The following RAG1 variants were observed in gnomAD, a reference collection of about 807,000 sequenced individuals.
RAG1 encodes the protein V(D)J recombination-activating protein 1.
Under a neutral mutation model 62.7 loss-of-function variants are expected in RAG1, and 35 were observed. The ratio of observed to expected loss-of-function variants is 0.56; its 90% CI spans 0.43 to 0.74. RAG1 has a LOEUF of 0.74. Ranked by LOEUF, RAG1 falls within the 30% of genes least tolerant of loss-of-function variation. The pLI is 0.00. For missense variants in RAG1, 1,169 were observed against 1,278.6 expected, an observed-to-expected ratio of 0.91 and a Z score of 1.31; for synonymous variants, 461 against 470.3, an observed-to-expected ratio of 0.98 and a Z score of 0.26.
intron 1 of RAG1, chr11:36,519,995 T>TA (rs1860053962): frequency 1.3e-5 from 2 of 152,216 alleles, no homozygotes; most frequent in African/African-American, 4.8e-5. Context: ...ACTACCAATT[T>TA]AAAAATTTAA....
chr11:36,576,387 C>T lies in RAG1; in HGVS notation c.3083C>T (p.Pro1028Leu), dbSNP rs771708758. Residue 1028 changes from proline (P) to leucine (L), a missense_variant, in exon 2 of 2, where the codon CCA (proline) becomes CTA (leucine). This residue lies in a region of RAG1 where 800 missense variants were observed against 943.3 expected (regional missense o/e 0.85). Transcript: ENST00000299440. ...AACCCTCAGGCAAGCTTAGGGGACC[C>T]ATTAGGCATAGAGGACTCTCTGGAA... ...TMNPQASLGDPLGIEDSLESQ... is the reference protein window; with the variant it reads ...TMNPQASLGDLLGIEDSLESQ... The T allele has an allele frequency of 2.9e-5, 47 of 1,613,946 alleles. No homozygotes were observed. The highest frequency in any genetic ancestry group is 3.8e-5 in the Non-Finnish European group (45 of 1,179,970).
chr11:36,542,867 A>G (rs1356086199), intron 3 of RAG1, among the ~76,000 whole-genome samples: 1 of 152,228 alleles, frequency 6.6e-6, no homozygotes, highest in Non-Finnish European at 1.5e-5. Flanking sequence ...AAAAAATAGA[A>G]AAAAACCTTA....
intron 2 of RAG1, among the ~76,000 whole-genome samples, chr11:36,527,310 A>T (rs1435934433): frequency 6.6e-6 from 1 of 152,208 alleles, no homozygotes; most frequent in Non-Finnish European, 1.5e-5. Flanking sequence ...ATGGCTAGCC[A>T]GTTTTCCCAG....
At chr11:36,551,289 T>G (rs146954910) in intron 3 of RAG1, among the ~76,000 whole-genome samples, 1 of 152,270 alleles carries the variant, frequency 6.6e-6, no homozygotes, top group East Asian at 1.9e-4. Flanking sequence ...TCTTTCTGAT[T>G]ATAATTTTCT....
At chr11:36,563,403 C>T (rs1850618430), upstream of RAG1, 1 of 152,130 alleles carries the variant, frequency 6.6e-6, no homozygotes, top group Non-Finnish European at 1.5e-5. Flanking sequence ...GTTCCTGGAT[C>T]TCAGGACTTC....
chr11:36,576,278 A>C lies in RAG1; in HGVS notation c.2974A>C (p.Lys992Gln). Reference protein sequence around the residue: ...SKCYEMEDVLKHHWLYTSKYL... With the variant: ...SKCYEMEDVLQHHWLYTSKYL... ...ATGCTATGAGATGGAAGATGTCCTG[A>C]AACACCACTGGTTGTACACCTCCAA... Residue 992 changes from lysine to glutamine, a missense_variant, in exon 2 of 2, where the codon AAA becomes CAA. Physicochemically the swap from Lys to Gln is moderately conservative, Grantham distance 53 (BLOSUM62 1). Around this residue, in one of 2 missense-constraint regions of RAG1, gnomAD observed 800 missense variants for 943.3 expected, o/e 0.85. Transcript: ENST00000299440. 1 of 1,614,110 alleles carries C rather than the reference A, an allele frequency of 6.2e-7. No individual in the cohort carries two copies. The highest frequency in any genetic ancestry group is 8.5e-7 in the Non-Finnish European group (1 of 1,180,044).
chr11:36,524,923 A>T (rs1860136977), intron 2 of RAG1, among the ~76,000 whole-genome samples: 1 of 151,948 alleles, frequency 6.6e-6, no homozygotes, highest in Non-Finnish European at 1.5e-5. Flanking sequence ...TTCTAATTGG[A>T]TTGTTAGTCT....
At chr11:36,563,391 G>A (rs1029777026), upstream of RAG1, 16 of 152,098 alleles carry the variant, frequency 1.1e-4, no homozygotes, top group Admixed American at 3.9e-4. Context: ...TCAGACATCC[G>A]TGTTCCTGGA....
intron 2 of RAG1, among the ~76,000 whole-genome samples, chr11:36,527,564 C>T (rs553949222): frequency 2.0e-5 from 3 of 152,142 alleles, no homozygotes; most frequent in South Asian, 2.1e-4. Flanking sequence ...ATTGGCTATG[C>T]GGGCTCTTTT....
intron 1 of RAG1, among the ~76,000 whole-genome samples, chr11:36,518,548 T>C (rs331454): frequency 0.73 from 111,581 of 151,954 alleles, 41,144 homozygotes; most frequent in East Asian, 0.92. Context: ...AGGTGTGAGA[T>C]GGTATCTCAT....
At chr11:36,525,426 C>A in intron 2 of RAG1, among the ~76,000 whole-genome samples, 1 of 152,124 alleles carries the variant, frequency 6.6e-6, no homozygotes, top group East Asian at 1.9e-4. Context: ...CAATCTTAAA[C>A]AATTCTTGCC....
At chr11:36,572,242 C>T (rs371044190) in intron 1 of RAG1, among the ~76,000 whole-genome samples, 19 of 152,296 alleles carry the variant, frequency 1.2e-4, no homozygotes, top group African/African-American at 4.3e-4. Flanking sequence ...CAGCTGCTCT[C>T]TTTCCAATCA....
intron 1 of RAG1, among the ~76,000 whole-genome samples, chr11:36,517,944 C>T (rs1253637392): frequency 2.7e-5 from 4 of 150,672 alleles, no homozygotes; most frequent in South Asian, 2.1e-4. Flanking sequence ...CCCATTAACT[C>T]GTCATTTAGC....
chr11:36,531,140 A>G (rs1316298536), intron 2 of RAG1, among the ~76,000 whole-genome samples: 1 of 151,936 alleles, frequency 6.6e-6, no homozygotes, highest in Non-Finnish European at 1.5e-5. Context: ...TGCTATTAAT[A>G]TAGCTACTTA....
chr11:36,530,967 G>T (rs1860244198), intron 2 of RAG1, among the ~76,000 whole-genome samples: 1 of 151,692 alleles, frequency 6.6e-6, no homozygotes, highest in Non-Finnish European at 1.5e-5. Context: ...TTCAGTTTTT[G>T]TTTCACTTAT....
chr11:36,560,324 CT>C (rs1280837189), intron 3 of RAG1, among the ~76,000 whole-genome samples: 3 of 152,058 alleles, frequency 2.0e-5, no homozygotes, highest in Admixed American at 6.6e-5. Context: ...GGCAGTGCCC[CT>C]GGTCTTAGGG....
chr11:36,558,375 G>A (rs188652061), intron 3 of RAG1, among the ~76,000 whole-genome samples: 1 of 152,280 alleles, frequency 6.6e-6, no homozygotes, highest in East Asian at 1.9e-4. Flanking sequence ...GGCTGCTGGT[G>A]TTTCCACCTA....
At chr11:36,549,327 T>C (rs992323830) in intron 3 of RAG1, among the ~76,000 whole-genome samples, 4 of 152,072 alleles carry the variant, frequency 2.6e-5, no homozygotes, top group Non-Finnish European at 4.4e-5. Flanking sequence ...ATCATCAGAG[T>C]GAACAGGCAA....
chr11:36,557,755 C>T (rs1850524982), intron 3 of RAG1, among the ~76,000 whole-genome samples: 1 of 152,162 alleles, frequency 6.6e-6, no homozygotes, highest in African/African-American at 2.4e-5. Context: ...CAATAATGAA[C>T]CCTCTCACTT....
Sources: allele counts gnomAD v4.1 joint callset (sites outside exome capture counted in the v4.1 genomes callset), GRCh38; gene constraint gnomAD v4.1.1; regional missense constraint gnomAD v4.1.1; transcripts MANE v1.5; gene names NCBI Gene and HGNC (gene_info 2026-07-23, HGNC 2026-07-21).